MACF1: variants seen among roughly 807,000 people sequenced by gnomAD.
MACF1 encodes the protein microtubule-actin cross-linking factor 1.
MACF1 carries 193 observed loss-of-function variants against 854.8 expected under a neutral mutation model. The observed-to-expected ratio is 0.23, with a 90% CI of 0.20 to 0.25. MACF1 has a LOEUF of 0.25. MACF1 is among the 10% of genes least tolerant of loss of function. The pLI is 1.00. For missense variants in MACF1, 7,722 were observed against 8,929.1 expected (o/e 0.86, Z 5.45); for synonymous variants, 3,185 against 3,226.7 (o/e 0.99, Z 0.44).
chr1:39,353,409 C>T (rs74066754), intron 44 of MACF1, among the ~76,000 whole-genome samples, 178 bp downstream of exon 44: 5 of 152,226 alleles, frequency 3.3e-5, no homozygotes, highest in Non-Finnish European at 5.9e-5. Context: ...CCTTGGTTTC[C>T]ATAATACTAC....
intron 62 of MACF1, 94 bp from the exon 63 acceptor site, chr1:39,427,867 G>A (rs1643775194): frequency 1.8e-6 from 2 of 1,082,856 alleles, no homozygotes; most frequent in South Asian, 3.6e-5. Flanking sequence ...TTTTTTAATT[G>A]TTTAATTTGT....
intron 93 of MACF1, among the ~76,000 whole-genome samples, chr1:39,463,356 G>A (rs1644594830): frequency 1.3e-5 from 2 of 152,102 alleles, no homozygotes; most frequent in South Asian, 2.1e-4. Flanking sequence ...TGGGCCTGGT[G>A]GTGCGTGCCT....
chr1:39,283,402 C>G lies in MACF1; in HGVS notation c.809-7C>G. On this transcript the variant is annotated splice_polypyrimidine_tract_variant and splice_region_variant and intron_variant, in intron 8 of 100. Coordinates refer to ENST00000564288, the MANE Select transcript of MACF1 (RefSeq NM_001394062.1). This position sits in a 1 kb window ranked among gnomAD's most constrained non-coding sequence, Gnocchi z 4.5. ...GACTAAGAAATTTCTTGTCCATTCTCTCTCAGATGTGGATGTGCCATCTCC... is the reference window on the plus strand; with the variant it reads ...GACTAAGAAATTTCTTGTCCATTCTGTCTCAGATGTGGATGTGCCATCTCC... 1 of 1,600,586 alleles carries G rather than the reference C, an allele frequency of 6.2e-7. No homozygotes were observed. Among genetic ancestry groups the G allele is most frequent in the Admixed American group, 1.7e-5 (1 of 60,002 alleles).
At chr1:39,112,673 T>C (rs897871491) in intron 2 of MACF1, among the ~76,000 whole-genome samples, 1 of 147,212 alleles carries the variant, frequency 6.8e-6, no homozygotes, top group East Asian at 2.0e-4. Flanking sequence ...AGAGCAAGAC[T>C]TTATTGCAAA....
At chr1:39,216,758 C>T (rs1644581562) in intron 1 of MACF1, among the ~76,000 whole-genome samples, 2 of 151,780 alleles carry the variant, frequency 1.3e-5, no homozygotes. Flanking sequence ...TCTAAAAGTG[C>T]TTGGAGATAA....
At chr1:39,476,207 G>GGTTGACATTCAT (rs1553456630) in intron 97 of MACF1, among the ~76,000 whole-genome samples, 1 of 152,114 alleles carries the variant, frequency 6.6e-6, no homozygotes, top group African/African-American at 2.4e-5. Context: ...CTTGACACAT[G>GGTTGACATTCAT]GTTGACATTC....
intron 2 of MACF1, among the ~76,000 whole-genome samples, chr1:39,107,999 A>G (rs1327319620): frequency 1.3e-5 from 2 of 151,828 alleles, no homozygotes; most frequent in East Asian, 3.9e-4. Flanking sequence ...GTGCAGCTGT[A>G]TTAGGAATGG....
At chr1:39,189,987 A>T (rs1389871476) in intron 2 of MACF1, among the ~76,000 whole-genome samples, 3 of 151,922 alleles carry the variant, frequency 2.0e-5, no homozygotes, top group Non-Finnish European at 4.4e-5. Flanking sequence ...TAGAATGTGA[A>T]CTCATTTTAT....
At position 39,387,874 on chromosome 1, in the gene MACF1, G is replaced by T. The variant is rs746856371; in HGVS notation, c.15032G>T (p.Arg5011Met). 1 of 1,614,026 alleles carries T rather than the reference G, an allele frequency of 6.2e-7. No homozygotes were observed. The highest frequency in any genetic ancestry group is 8.5e-7 in the Non-Finnish European group (1 of 1,180,026). ...GGGTCACTCGAAGAAATGACTCAGA[G>T]GCTCAGGGAGTTCCAGGAAAGCTTT... is the stretch of plus-strand genomic sequence containing the variant. ...KTGSLEEMTQRLREFQESFKN... is the reference protein window; with the variant it reads ...KTGSLEEMTQMLREFQESFKN... Residue 5011 changes from arginine to methionine, a missense_variant, in exon 58 of 101, where the codon AGG becomes ATG. Coordinates refer to ENST00000564288, the MANE Select transcript of MACF1 (RefSeq NM_001394062.1).
At chr1:39,143,740 TGC>T (rs2148187474) in intron 2 of MACF1, among the ~76,000 whole-genome samples, 1 of 152,312 alleles carries the variant, frequency 6.6e-6, no homozygotes, top group Non-Finnish European at 1.5e-5. Flanking sequence ...CTGAGGGAAT[TGC>T]CAAGCCAGCA....
chr1:39,430,972 A>G (rs1643867739), intron 66 of MACF1, 64 bp downstream of exon 66: 7 of 1,383,522 alleles, frequency 5.1e-6, no homozygotes, highest in East Asian at 2.3e-5. Context: ...ATACAGTACT[A>G]TGACCCACAT....
At chr1:39,465,583 G>A (rs1364073335) in intron 95 of MACF1, among the ~76,000 whole-genome samples, 1 of 152,084 alleles carries the variant, frequency 6.6e-6, no homozygotes, top group African/African-American at 2.4e-5. Context: ...AGTGTAGTGT[G>A]GAGATCGTAA....
At chr1:39,431,009 G>C in intron 66 of MACF1, 101 bp downstream of exon 66, 1 of 1,056,112 alleles carries the variant, frequency 9.5e-7, no homozygotes, top group South Asian at 1.3e-5. Context: ...ATAAGAATGG[G>C]CTCAAGCTAA....
At chr1:39,151,319 T>G (rs1643572824) in intron 2 of MACF1, among the ~76,000 whole-genome samples, 1 of 152,220 alleles carries the variant, frequency 6.6e-6, no homozygotes. Flanking sequence ...TAGTTCAGAT[T>G]CTGTATCTAT....
At chr1:39,358,973 T>A in intron 46 of MACF1, 100 bp downstream of exon 46, 1 of 1,438,184 alleles carries the variant, frequency 7.0e-7, no homozygotes, top group Non-Finnish European at 9.4e-7. Context: ...ATAAAGGCAG[T>A]GGTTGGGATG....
chr1:39,130,988 T>C (rs1463213694), intron 2 of MACF1, among the ~76,000 whole-genome samples: 33 of 151,440 alleles, frequency 2.2e-4, no homozygotes, highest in Admixed American at 2.2e-3. Context: ...ATTACAGGCA[T>C]TACAGACGTG....
At chr1:39,406,747 A>G (rs1042707059) in intron 58 of MACF1, among the ~76,000 whole-genome samples, 1 of 150,494 alleles carries the variant, frequency 6.6e-6, no homozygotes, top group Non-Finnish European at 1.5e-5. Flanking sequence ...TCAAAAAAAA[A>G]AAAAAAAAAA....
At chr1:39,197,209 C>T (rs1034121701) in intron 2 of MACF1, among the ~76,000 whole-genome samples, 1 of 151,768 alleles carries the variant, frequency 6.6e-6, no homozygotes, top group African/African-American at 2.4e-5. Context: ...TTCCTTCCAA[C>T]ATACATATAT....
intron 2 of MACF1, among the ~76,000 whole-genome samples, chr1:39,192,104 T>A (rs1644261315): frequency 6.6e-6 from 1 of 151,944 alleles, no homozygotes; most frequent in Non-Finnish European, 1.5e-5. Context: ...TGAGCCGATA[T>A]CTCACCACTG....
Sources: allele counts gnomAD v4.1 joint callset (sites outside exome capture counted in the v4.1 genomes callset), GRCh38; gene constraint gnomAD v4.1.1; non-coding constraint Gnocchi (gnomAD v3.1); transcripts MANE v1.5; gene names NCBI Gene and HGNC (gene_info 2026-07-23, HGNC 2026-07-21).